RBFOX1: variants seen among roughly 807,000 people sequenced by gnomAD.
RBFOX1 encodes RNA binding fox-1 homolog 1.
Under a neutral mutation model 57.7 loss-of-function variants are expected in RBFOX1, and 8 were observed. The observed-to-expected ratio is 0.14, with a 90% CI of 0.08 to 0.25. The LOEUF (loss-of-function observed/expected upper bound fraction) is 0.25, where lower values mean the gene tolerates loss of function less well. Among genes scored for constraint, RBFOX1 ranks in the 10% least tolerant of loss-of-function variants. The pLI, the probability that RBFOX1 is intolerant of heterozygous loss-of-function variation, is 1.00. For synonymous variants in RBFOX1, 326 were observed against 222.4 expected, an observed-to-expected ratio of 1.47 and a Z score of -4.15; for missense variants, 611 against 548.5, an observed-to-expected ratio of 1.11 and a Z score of -1.14.
At chr16:6,803,928 A>G (rs1314137874) in intron 3 of RBFOX1, among the ~76,000 whole-genome samples, 1 of 151,958 alleles carries the variant, frequency 6.6e-6, no homozygotes, top group African/African-American at 2.4e-5. Context: ...TAGATCTGGC[A>G]TCTTGTTTAG....
chr16:5,888,692 A>C (rs1157890342), intron 4 of RBFOX1, among the ~76,000 whole-genome samples: 1 of 151,878 alleles, frequency 6.6e-6, no homozygotes, highest in Non-Finnish European at 1.5e-5. Context: ...CTACTCAACA[A>C]GGCTGAGGCA....
chr16:6,923,034 C>G (rs1177026534), intron 3 of RBFOX1, among the ~76,000 whole-genome samples: 2 of 152,180 alleles, frequency 1.3e-5, no homozygotes, highest in Admixed American at 1.3e-4. Flanking sequence ...AAACCATAGA[C>G]AGTGCAGTAC....
At chr16:6,729,042 A>G (rs530807814) in intron 3 of RBFOX1, among the ~76,000 whole-genome samples, 3 of 152,292 alleles carry the variant, frequency 2.0e-5, no homozygotes, top group South Asian at 4.1e-4. Flanking sequence ...TAAATAATTC[A>G]TTTGATCCTG....
chr16:5,856,213 ATATG>A lies in RBFOX1; in HGVS notation c.319-11086_319-11083del, dbSNP rs1478123060. 7.9e-3 allele frequency among the ~76,000 whole-genome samples: 309 copies of A among 39,158 alleles called. 6 individuals carry two copies. The highest frequency in any genetic ancestry group is 0.026 in the Middle Eastern group (2 of 76). 25.7% of individuals were successfully genotyped at this position (39,158 alleles called of 152,430 possible). ...TATATATATATATATATATACATAT[ATATG>A]TATATATATATGTATATATATGTGT... is the stretch of plus-strand genomic sequence containing the variant. On this transcript the variant is annotated intron_variant, in intron 3 of 19. Transcript: ENST00000641259.
chr16:7,158,885 T>C (rs2077701566), intron 4 of RBFOX1, among the ~76,000 whole-genome samples: 1 of 152,052 alleles, frequency 6.6e-6, no homozygotes, highest in Admixed American at 6.6e-5. Context: ...TGGTGTGTCT[T>C]TGCACACGTG....
At chr16:7,665,849 T>C (rs1412162407) in intron 13 of RBFOX1, among the ~76,000 whole-genome samples, 1 of 152,218 alleles carries the variant, frequency 6.6e-6, no homozygotes, top group Non-Finnish European at 1.5e-5. Flanking sequence ...ATTGGTATCA[T>C]GTACTAGAAG....
intron 1 of RBFOX1, among the ~76,000 whole-genome samples, chr16:6,274,304 A>G (rs1342697952): frequency 2.0e-5 from 3 of 152,156 alleles, no homozygotes; most frequent in Non-Finnish European, 4.4e-5. Flanking sequence ...GCCTACATAT[A>G]TTTCACTGGG....
chr16:7,630,884 G>A (rs1383314455), intron 11 of RBFOX1, among the ~76,000 whole-genome samples: 1 of 152,204 alleles, frequency 6.6e-6, no homozygotes, highest in Admixed American at 6.5e-5. Flanking sequence ...AGATCCGTCA[G>A]GATTGGGTCC....
chr16:7,617,297 G>T (rs1168991350), intron 10 of RBFOX1, among the ~76,000 whole-genome samples: 1 of 152,114 alleles, frequency 6.6e-6, no homozygotes, highest in Non-Finnish European at 1.5e-5. Flanking sequence ...AAATAAATGG[G>T]CATGATTGTT....
chr16:7,309,828 G>T (rs1191488578), intron 4 of RBFOX1, among the ~76,000 whole-genome samples: 1 of 152,212 alleles, frequency 6.6e-6, no homozygotes, highest in African/African-American at 2.4e-5. Flanking sequence ...AGCAGCACAT[G>T]TCATCCCGTG....
At position 6,483,757 on chromosome 16, in the gene RBFOX1, C is replaced by A. The variant is rs892839614; in HGVS notation, c.-64+166700C>A. 1.1e-5 allele frequency: 16 copies of A among 1,419,366 alleles called. No homozygotes were observed. In the Admixed American group the frequency reaches 2.7e-4, roughly 24 times the overall value. 87.9% of individuals were successfully genotyped at this position (1,419,366 alleles called of 1,614,324 possible). ...TGGCTGCCTGTGGCAGAGGAGCAGC[C>A]GTCAGCCGCTGTCCAACGTTAGCGC... On this transcript the variant is annotated intron_variant, in intron 2 of 15. Transcript: ENST00000550418.
At chr16:6,078,883 C>A (rs921367338) in intron 1 of RBFOX1, among the ~76,000 whole-genome samples, 1 of 152,198 alleles carries the variant, frequency 6.6e-6, no homozygotes, top group Admixed American at 6.5e-5. Flanking sequence ...GAAAACTGTG[C>A]ATGGTGGATC....
intron 4 of RBFOX1, among the ~76,000 whole-genome samples, chr16:5,944,790 T>TA (rs60749168): frequency 0.016 from 669 of 41,258 alleles, 130 homozygotes; most frequent in Non-Finnish European, 0.024. Context: ...CTGTCTCTGC[T>TA]AAAAAAAAAA....
intron 2 of RBFOX1, among the ~76,000 whole-genome samples, chr16:5,582,133 C>T (rs994036979): frequency 1.1e-4 from 16 of 152,174 alleles, no homozygotes; most frequent in Admixed American, 8.5e-4. Context: ...TCGAGGGAGC[C>T]CTAATCCCAG....
chr16:5,992,657 G>A, intron 4 of RBFOX1, among the ~76,000 whole-genome samples: 1 of 152,232 alleles, frequency 6.6e-6, no homozygotes, highest in East Asian at 1.9e-4. Context: ...TTTGTGGTCA[G>A]GCGTGGTGGC....
intron 1 of RBFOX1, among the ~76,000 whole-genome samples, chr16:6,290,651 G>A (rs2077380304): frequency 6.6e-6 from 1 of 152,144 alleles, no homozygotes; most frequent in Admixed American, 6.5e-5. Context: ...GGGCGAAAAA[G>A]GAAATTTTAC....
chr16:6,824,397 G>C (rs1407618506), intron 3 of RBFOX1, among the ~76,000 whole-genome samples: 3 of 152,212 alleles, frequency 2.0e-5, no homozygotes, highest in Non-Finnish European at 2.9e-5. Context: ...AACAGAGCGA[G>C]ATTCCATGTC....
intron 12 of RBFOX1, among the ~76,000 whole-genome samples, chr16:7,662,935 T>C (rs1003444749): frequency 6.6e-6 from 1 of 152,254 alleles, no homozygotes; most frequent in African/African-American, 2.4e-5. Context: ...CTGATTCAAA[T>C]GCCCATGTGC....
intron 3 of RBFOX1, among the ~76,000 whole-genome samples, chr16:6,681,336 A>G (rs1054747449): frequency 3.3e-5 from 5 of 152,150 alleles, no homozygotes; most frequent in African/African-American, 1.2e-4. Flanking sequence ...ACAAAAAAAT[A>G]TATTTTGATC....
Sources: allele counts gnomAD v4.1 joint callset (sites outside exome capture counted in the v4.1 genomes callset), GRCh38; gene constraint gnomAD v4.1.1; transcripts MANE v1.5; gene names NCBI Gene and HGNC (gene_info 2026-07-23, HGNC 2026-07-21).